TIAM1: variants seen among roughly 807,000 people sequenced by gnomAD.
TIAM1 encodes the protein rho guanine nucleotide exchange factor TIAM1.
A neutral mutation model predicts 163.5 loss-of-function variants in TIAM1; 65 were observed. The ratio of observed to expected loss-of-function variants is 0.40; its 90% CI spans 0.33 to 0.49. The LOEUF is 0.49. Among genes scored for constraint, TIAM1 ranks in the 20% least tolerant of loss-of-function variants. The probability of loss-of-function intolerance (pLI) is 0.77; values close to 1 mark genes in which losing one functional copy is unlikely to be tolerated. For missense variants in TIAM1, 1,789 were observed against 2,044.7 expected (o/e 0.87, Z 2.41); for synonymous variants, 833 against 810.1 (o/e 1.03, Z -0.48).
At chr21:31,234,034 A>G (rs1361270257) in intron 6 of TIAM1, among the ~76,000 whole-genome samples, 1 of 152,134 alleles carries the variant, frequency 6.6e-6, no homozygotes, top group Non-Finnish European at 1.5e-5. Flanking sequence ...CAGTACTTCT[A>G]ATGTGCACAG....
chr21:31,517,663 A>G (rs1471133779), intron 1 of TIAM1, among the ~76,000 whole-genome samples: 1 of 152,190 alleles, frequency 6.6e-6, no homozygotes, highest in Non-Finnish European at 1.5e-5. Context: ...ACTTTGGCTT[A>G]AGGAAAGTTT....
chr21:31,540,896 G>A (rs922295104), intron 1 of TIAM1, among the ~76,000 whole-genome samples: 1 of 152,296 alleles, frequency 6.6e-6, no homozygotes, highest in Non-Finnish European at 1.5e-5. Flanking sequence ...TCAATTAACA[G>A]CAACAAAATA....
At chr21:31,160,659 T>C (rs1461994567) in intron 16 of TIAM1, 1 of 396,176 alleles carries the variant, frequency 2.5e-6, no homozygotes. Flanking sequence ...TCCTCTCATA[T>C]GGACGTCCCA....
At chr21:31,522,425 G>A (rs1241012843) in intron 1 of TIAM1, among the ~76,000 whole-genome samples, 1 of 151,128 alleles carries the variant, frequency 6.6e-6, no homozygotes, top group Non-Finnish European at 1.5e-5. Context: ...CAGGAGAATC[G>A]CTTGAACCCG....
chr21:31,225,753 T>C lies in TIAM1; in HGVS notation c.1782A>G (p.Ser594=), dbSNP rs1363439043. ...GATCTAATATTGTTTTCTTTTTCTT[T>C]GAGTCAGTGACTGAAGACAGCTGCA... The part of the protein sequence containing the change: ...GEMQLSSVTD[S]KKKKTILDQI... Residue 594 remains serine, a synonymous_variant, in exon 7 of 28, where the codon TCA becomes TCG. Transcript: ENST00000541036. 14 of 1,613,362 alleles carry C rather than the reference T, an allele frequency of 8.7e-6. No homozygotes were observed. In the East Asian group the frequency reaches 3.1e-4, roughly 36 times the overall value.
intron 2 of TIAM1, among the ~76,000 whole-genome samples, chr21:31,366,828 G>A (rs1019906974): frequency 6.6e-6 from 1 of 152,164 alleles, no homozygotes; most frequent in African/African-American, 2.4e-5. Context: ...ATGTTGGCCA[G>A]GCTGGTCTTG....
chr21:31,552,225 T>C (rs2048716904), intron 1 of TIAM1, among the ~76,000 whole-genome samples: 1 of 151,626 alleles, frequency 6.6e-6, no homozygotes, highest in South Asian at 2.1e-4. Flanking sequence ...ACCCAGCTAA[T>C]TTTTGTATTT....
At chr21:31,329,647 C>T (rs2075612656) in intron 2 of TIAM1, among the ~76,000 whole-genome samples, 1 of 152,208 alleles carries the variant, frequency 6.6e-6, no homozygotes, top group African/African-American at 2.4e-5. Flanking sequence ...AACATGAAGT[C>T]AGTGCTTTCA....
intron 2 of TIAM1, among the ~76,000 whole-genome samples, chr21:31,279,713 A>G (rs1431375877): frequency 6.6e-6 from 1 of 152,236 alleles, no homozygotes; most frequent in Non-Finnish European, 1.5e-5. Context: ...CTATCCCATT[A>G]TCGTTTCTCA....
chr21:31,287,057 A>AT (rs1355579936), intron 2 of TIAM1, among the ~76,000 whole-genome samples: 1 of 152,236 alleles, frequency 6.6e-6, no homozygotes, highest in South Asian at 2.1e-4. Flanking sequence ...TATTTCATTG[A>AT]TTTTAAGAAA....
chr21:31,452,680 A>T (rs2044911829), intron 2 of TIAM1: 1 of 434,780 alleles, frequency 2.3e-6, no homozygotes. Context: ...TCTCCAGAAT[A>T]TATTTTTCCA....
At position 31,213,343 on chromosome 21, in the gene TIAM1, A is replaced by G. The variant is rs773891640; in HGVS notation, c.2217+55T>C. On this transcript the variant is annotated intron_variant, in intron 10 of 27. Transcript: ENST00000541036. ...AGCTCAAGACAACACTGCACCATGT[A>G]TATGTTGATGCACTTGTGGTACTTT... 22 of 1,453,332 alleles carry G rather than the reference A, an allele frequency of 1.5e-5. 1 individual carries two copies. The South Asian group carries it at 1.8e-4, about 12-fold the overall frequency. 90.0% of individuals were successfully genotyped at this position (1,453,332 alleles called of 1,614,324 possible).
chr21:31,450,660 G>C (rs532318610), intron 2 of TIAM1, among the ~76,000 whole-genome samples: 1 of 152,146 alleles, frequency 6.6e-6, no homozygotes, highest in Non-Finnish European at 1.5e-5. Context: ...TAATTTATAA[G>C]AACAAAGTGT....
chr21:31,161,035 T>TGTGTG (rs2083892354), intron 16 of TIAM1: 2 of 143,370 alleles, frequency 1.4e-5, no homozygotes, highest in African/African-American at 5.1e-5. Flanking sequence ...CTAAGAAAAG[T>TGTGTG]TGTGTGTGTG....
At chr21:31,376,856 C>G (rs2076695541) in intron 2 of TIAM1, among the ~76,000 whole-genome samples, 1 of 151,496 alleles carries the variant, frequency 6.6e-6, no homozygotes, top group Non-Finnish European at 1.5e-5. Context: ...GGAATTTTTA[C>G]TTTATTTTAT....
At chr21:31,349,211 T>TTCATCTAACAAGTCAAAG (rs1233633123), upstream of TIAM1, among the ~76,000 whole-genome samples, 1 of 152,206 alleles carries the variant, frequency 6.6e-6, no homozygotes, top group Non-Finnish European at 1.5e-5. Context: ...AAGAACAACT[T>TTCATCTAACAAGTCAAAG]TCATCTAACA....
At chr21:31,265,335 T>C (rs1287288229) in intron 4 of TIAM1, among the ~76,000 whole-genome samples, 1 of 150,842 alleles carries the variant, frequency 6.6e-6, no homozygotes, top group African/African-American at 2.4e-5. Context: ...TTTATCCCCA[T>C]TTTTCAGAGG....
rs966703825 is a variant in TIAM1, at chr21:31,223,529, A to G, written c.1872T>C (p.Tyr624=). 4.5e-5 allele frequency: 73 copies of G among 1,613,680 alleles called. No homozygotes were observed. The highest frequency in any genetic ancestry group is 1.6e-4 in the Middle Eastern group (1 of 6,082). The change falls in exon 8 of 28, where the codon TAT becomes TAC. Residue 624 remains tyrosine, a synonymous_variant. Transcript: ENST00000541036. The part of the protein sequence containing the change: ...FQMDLFRFRC[Y]LASLQGGELP... Reference sequence around the variant, plus strand: ...GCTCCCCACCCTGAAGGCTGGCTAAATAACAGCGGAAACGAAACAGGTCCA... The same window carrying G: ...GCTCCCCACCCTGAAGGCTGGCTAAGTAACAGCGGAAACGAAACAGGTCCA...
chr21:31,271,106 T>A (rs2073036410), intron 3 of TIAM1, among the ~76,000 whole-genome samples: 1 of 152,090 alleles, frequency 6.6e-6, no homozygotes. Context: ...TCTTTCTTAT[T>A]CTCTATCCTT....
Sources: gnomAD v4.1 joint callset for allele counts (sites outside exome capture counted in the v4.1 genomes callset) on GRCh38, gnomAD v4.1.1 for gene constraint, MANE v1.5 for transcripts, NCBI Gene and HGNC (gene_info 2026-07-23, HGNC 2026-07-21) for gene names.